BRDT: variants seen among roughly 807,000 people sequenced by gnomAD.
The protein encoded by BRDT is bromodomain testis associated.
A neutral mutation model predicts 113.9 loss-of-function variants in BRDT; 77 were observed. That is an observed-to-expected ratio of 0.68 (90% CI 0.56 to 0.82). The LOEUF (loss-of-function observed/expected upper bound fraction) is 0.82, where lower values mean the gene tolerates loss of function less well. BRDT is among the 40% of genes least tolerant of loss of function. The pLI is 0.00. For missense variants in BRDT, 1,027 were observed against 1,105.4 expected (o/e 0.93, Z 1.01); for synonymous variants, 358 against 366.5 (o/e 0.98, Z 0.26).
chr1:91,999,124 G>GA (rs1310593732), intron 15 of BRDT, among the ~76,000 whole-genome samples: 3 of 151,958 alleles, frequency 2.0e-5, no homozygotes, highest in African/African-American at 7.3e-5. Context: ...CAGTAGTAGG[G>GA]AAAAAATGAC....
intron 14 of BRDT, among the ~76,000 whole-genome samples, chr1:91,992,955 C>T (rs987326938): frequency 2.0e-5 from 3 of 152,154 alleles, no homozygotes; most frequent in East Asian, 1.9e-4. Context: ...TATCTCAATA[C>T]GTAGCATGTA....
chr1:91,955,329 C>T (rs946017520), intron 1 of BRDT, among the ~76,000 whole-genome samples: 1 of 152,052 alleles, frequency 6.6e-6, no homozygotes, highest in African/African-American at 2.4e-5. Context: ...TAATGCCTCC[C>T]TGTAATCCCA....
intron 1 of BRDT, among the ~76,000 whole-genome samples, chr1:91,958,761 A>C (rs984877347): frequency 6.6e-6 from 1 of 152,178 alleles, no homozygotes; most frequent in Non-Finnish European, 1.5e-5. Flanking sequence ...AAAAAATTAA[A>C]TGTAGAAAAT....
At position 91,981,661 on chromosome 1, in the gene BRDT, A is replaced by C. The variant is rs867088887; in HGVS notation, c.1908A>C (p.Arg636=). ...CCAAAGCTGTTGAAAATGTTTCCCG[A>C]CTGAGTGAGAGCAGCAGCAGCAGCA... ...QPSKAVENVS[R]LSESSSSSSS... Residue 636 remains arginine (R), a synonymous_variant, in exon 12 of 19, where the codon CGA becomes CGC. Coordinates refer to ENST00000399546, the MANE Select transcript of BRDT (RefSeq NM_207189.4). 6 of 1,614,164 alleles carry C rather than the reference A, an allele frequency of 3.7e-6. No homozygotes were observed. The highest frequency in any genetic ancestry group is 5.1e-6 in the Non-Finnish European group (6 of 1,180,012).
intron 12 of BRDT, among the ~76,000 whole-genome samples, chr1:91,987,007 A>G (rs1203797391): frequency 6.7e-6 from 1 of 150,300 alleles, no homozygotes; most frequent in African/African-American, 2.5e-5. Context: ...GCTCGATCTC[A>G]GCTAACTGCA....
intron 8 of BRDT, 40 bp downstream of exon 8, chr1:91,979,797 G>T: frequency 3.3e-6 from 5 of 1,536,726 alleles, no homozygotes; most frequent in Non-Finnish European, 4.4e-6. Flanking sequence ...TAATCTATGA[G>T]CTGCTAATCT....
intron 2 of BRDT, among the ~76,000 whole-genome samples, chr1:91,963,838 T>G (rs1682767081): frequency 6.6e-6 from 1 of 151,724 alleles, no homozygotes; most frequent in African/African-American, 2.4e-5. Context: ...AGCAGTCAGC[T>G]TTGTTTCTCA....
chr1:91,961,381 G>A (rs1682424467), intron 1 of BRDT, among the ~76,000 whole-genome samples: 1 of 151,990 alleles, frequency 6.6e-6, no homozygotes. Context: ...TGTAATCTCA[G>A]CACCTTGGGA....
At chr1:91,978,997 C>CA (rs774952902) in intron 7 of BRDT, among the ~76,000 whole-genome samples, 6,632 of 76,948 alleles carry the variant, frequency 0.086, 411 homozygotes, top group African/African-American at 0.1. Context: ...GACTACGTCT[C>CA]AAAAAAAAAA....
rs940879570 is a variant in BRDT, at chr1:91,984,637, TA to T, written c.2002+2890del. ...TAAAATATAAATATGAAAAAATAATTAAAAAAAATTTTTTTTGAGACAGGGT... is the reference window on the plus strand; with the variant it reads ...TAAAATATAAATATGAAAAAATAATTAAAAAAATTTTTTTTGAGACAGGGT... On this transcript the variant is annotated intron_variant, in intron 12 of 18. Coordinates refer to ENST00000399546, the MANE Select transcript of BRDT (RefSeq NM_207189.4). Among the ~76,000 whole-genome samples the T allele has an allele frequency of 2.4e-4, 36 of 152,132 alleles. 1 individual carries two copies. The highest frequency in any genetic ancestry group is 1.4e-3 in the Admixed American group (21 of 15,280).
chr1:91,978,377 A>G, intron 7 of BRDT, 81 bp downstream of exon 7: 4 of 1,510,994 alleles, frequency 2.6e-6, no homozygotes, highest in African/African-American at 2.8e-5. Flanking sequence ...TGTAAGAGAT[A>G]AAGAATAATA....
At position 91,977,079 on chromosome 1, in the gene BRDT, ACTC is replaced by A; in HGVS notation, c.658_660del (p.Pro220del). 1.2e-6 allele frequency: 2 copies of A among 1,610,860 alleles called. No individual in the cohort carries two copies. The highest frequency in any genetic ancestry group is 1.7e-6 in the Non-Finnish European group (2 of 1,178,740). On this transcript the variant is annotated inframe_deletion, in exon 6 of 19. Transcript: ENST00000399546. ...TGTGAAGAGGAAAGCAGATACAACAACTCCTGCAACTTCAGCAGTTAAAGCAAG... is the reference window on the plus strand; with the variant it reads ...TGTGAAGAGGAAAGCAGATACAACAACTGCAACTTCAGCAGTTAAAGCAAG...
At position 91,949,439 on chromosome 1, in the gene BRDT, T is replaced by C. The variant is rs1039144636; in HGVS notation, c.-281T>C. ...GCGGCGAGGAACTGCGGAGAACTGT[T>C]GCCCTGCACCGCTTCATTTTGTGCA... is the stretch of plus-strand genomic sequence containing the variant. On this transcript the variant is annotated 5_prime_UTR_variant, in exon 1 of 19. Transcript: ENST00000399546. The C allele has an allele frequency of 1.3e-5, 2 of 152,254 alleles. No homozygotes were observed. Among genetic ancestry groups the C allele is most frequent in the African/African-American group, 2.4e-5 (1 of 41,464 alleles). The allele number at this position is 152,254 out of a possible 1,614,324, so 9.4% of individuals were successfully genotyped here.
intron 18 of BRDT, among the ~76,000 whole-genome samples, chr1:92,007,237 T>G (rs1687395938): frequency 1.3e-5 from 2 of 152,202 alleles, no homozygotes; most frequent in African/African-American, 4.8e-5. Flanking sequence ...GCTTTTTTGT[T>G]GTTAACTTTT....
Position 91,967,539 on chromosome 1 carries a change from C to T in BRDT, c.331-607C>T, listed in dbSNP as rs187208676. ...TCAGCCTCCTGAGTAGCTAGGATTA[C>T]AGGCACGCACCACCACGCCTGGCTA... On this transcript the variant is annotated intron_variant, in intron 3 of 18. Coordinates refer to ENST00000399546, the MANE Select transcript of BRDT (RefSeq NM_207189.4). 1.1e-4 allele frequency among the ~76,000 whole-genome samples: 17 copies of T among 152,304 alleles called. No individual in the cohort carries two copies. In the East Asian group the frequency reaches 3.1e-3, roughly 28 times the overall value.
At chr1:92,009,735 A>T (rs1042179297) in intron 18 of BRDT, among the ~76,000 whole-genome samples, 2 of 149,100 alleles carry the variant, frequency 1.3e-5, no homozygotes, top group Non-Finnish European at 3.0e-5. Flanking sequence ...TTTTTATTTT[A>T]TTTATTTATT....
chr1:91,992,552 T>C (rs919179138), intron 14 of BRDT, among the ~76,000 whole-genome samples: 1 of 152,150 alleles, frequency 6.6e-6, no homozygotes, highest in Non-Finnish European at 1.5e-5. Context: ...GTTGTTGTTG[T>C]TGAGACAGAG....
chr1:91,980,544 C>A, intron 8 of BRDT, 99 bp from the exon 9 acceptor site: 1 of 1,044,224 alleles, frequency 9.6e-7, no homozygotes, highest in South Asian at 2.9e-5. Flanking sequence ...AAATGAATTT[C>A]ACAAAAGACA....
chr1:91,962,663 T>G, intron 1 of BRDT, 55 bp from the exon 2 acceptor site: 2 of 1,084,708 alleles, frequency 1.8e-6, no homozygotes, highest in Non-Finnish European at 2.6e-6. Flanking sequence ...ACTTTTCAGC[T>G]CCTGTGGAAA....
Sources: allele counts gnomAD v4.1 joint callset (sites outside exome capture counted in the v4.1 genomes callset), GRCh38; gene constraint gnomAD v4.1.1; transcripts MANE v1.5; gene names NCBI Gene and HGNC (gene_info 2026-07-23, HGNC 2026-07-21).